EXOSC7: variants seen among roughly 807,000 people sequenced by gnomAD.
The protein encoded by EXOSC7 is exosome complex component RRP42.
A neutral mutation model predicts 34.3 loss-of-function variants in EXOSC7; 25 were observed. The ratio of observed to expected loss-of-function variants is 0.73; its 90% CI spans 0.53 to 1.02. The LOEUF is 1.02. Among genes scored for constraint, EXOSC7 ranks in the 50% least tolerant of loss-of-function variants. The probability of loss-of-function intolerance (pLI) is 0.00; values close to 1 mark genes in which losing one functional copy is unlikely to be tolerated. For missense variants in EXOSC7, 370 were observed against 368.5 expected (o/e 1.00, Z -0.03); for synonymous variants, 130 against 143.0 (o/e 0.91, Z 0.65).
chr3:45,007,148 C>G (rs1038828966), intron 6 of EXOSC7, among the ~76,000 whole-genome samples: 4 of 152,128 alleles, frequency 2.6e-5, no homozygotes, highest in Admixed American at 6.5e-5. Context: ...GCCTTGGTGG[C>G]CTTTGTCTTG....
chr3:44,982,620 GCATGGAAGA>G (rs1706301261), intron 1 of EXOSC7, among the ~76,000 whole-genome samples: 1 of 152,238 alleles, frequency 6.6e-6, no homozygotes, highest in Non-Finnish European at 1.5e-5. Context: ...TAGGGGTATA[GCATGGAAGA>G]GGGAGATCAG....
intron 7 of EXOSC7, among the ~76,000 whole-genome samples, chr3:45,010,067 G>GT (rs1467672587): frequency 6.6e-6 from 1 of 152,158 alleles, no homozygotes; most frequent in Non-Finnish European, 1.5e-5. Flanking sequence ...AGGCATGGAT[G>GT]TTTTTATCTC....
chr3:45,007,679 A>G, intron 7 of EXOSC7, 104 bp downstream of exon 7: 1 of 1,281,596 alleles, frequency 7.8e-7, no homozygotes, highest in East Asian at 2.7e-5. Context: ...CACAGCCTTG[A>G]CCCCAAACTT....
chr3:45,008,471 T>C (rs940978250), intron 7 of EXOSC7, among the ~76,000 whole-genome samples: 1 of 152,240 alleles, frequency 6.6e-6, no homozygotes, highest in African/African-American at 2.4e-5. Context: ...AAATGAGCAC[T>C]GTATATAGCA....
At chr3:44,989,072 T>C (rs62242658) in intron 1 of EXOSC7, 68 bp from the exon 2 acceptor site, 96,375 of 1,039,118 alleles carry the variant, frequency 0.093, 4,880 homozygotes, top group Middle Eastern at 0.16. Context: ...AGGGGGAAAA[T>C]GGGTGAGTCC....
chr3:44,984,755 T>C (rs906223906), intron 1 of EXOSC7, among the ~76,000 whole-genome samples: 1 of 152,262 alleles, frequency 6.6e-6, no homozygotes, highest in African/African-American at 2.4e-5. Flanking sequence ...AAAGATTAAA[T>C]GCATTAACTG....
In EXOSC7 at chr3:44,995,037, T is replaced by A. The variant is rs182600417; in HGVS notation, c.255-2050T>A. On this transcript the variant is annotated intron_variant, in intron 3 of 7. Transcript: ENST00000265564. The stretch of plus-strand genomic sequence containing the variant: ...TTCACTCTTGTTGACCAGGCTGGAG[T>A]GCAGTGGTGCGATCTCAGCTCACTG... Among the ~76,000 whole-genome samples, 371 of 152,138 alleles carry A rather than the reference T, an allele frequency of 2.4e-3. 1 individual carries two copies. Among genetic ancestry groups the A allele is most frequent in the African/African-American group, 7.1e-3 (295 of 41,468 alleles).
intron 1 of EXOSC7, among the ~76,000 whole-genome samples, chr3:44,988,564 A>G (rs1706482843): frequency 6.6e-6 from 1 of 152,200 alleles, no homozygotes; most frequent in South Asian, 2.1e-4. Context: ...CATTACCTAA[A>G]CAAGTGGGCA....
intron 1 of EXOSC7, among the ~76,000 whole-genome samples, chr3:44,976,586 C>T (rs1706038799): frequency 6.6e-6 from 1 of 152,312 alleles, no homozygotes; most frequent in Non-Finnish European, 1.5e-5. Flanking sequence ...TGGGCAGTCT[C>T]GGAGGCCTTT....
intron 5 of EXOSC7, chr3:45,002,359 A>T (rs1168359834): frequency 3.3e-5 from 5 of 152,178 alleles, no homozygotes; most frequent in African/African-American, 1.2e-4. Flanking sequence ...ACCTAAGGAC[A>T]TAATTGAATA....
rs1706221612 is a variant in EXOSC7 at position 44,979,597 on chromosome 3, T to TCC, written c.57+3263_57+3264insCC. 2.5e-5 allele frequency among the ~76,000 whole-genome samples: 3 copies of TCC among 118,806 alleles called. 1 individual carries two copies. Among genetic ancestry groups the TCC allele is most frequent in the South Asian group, 7.8e-4 (2 of 2,562 alleles). 77.9% of individuals were successfully genotyped at this position (118,806 alleles called of 152,430 possible). On this transcript the variant is annotated intron_variant, in intron 1 of 7. Transcript: ENST00000265564. ...ATCCTAATCTCTGCTGGTTTTTTTT[T>TCC]TCCCCCTCTTTGCTTTGTTTTTGTC...
chr3:45,011,546 C>T (rs1697288963), downstream of EXOSC7: 1 of 402,252 alleles, frequency 2.5e-6, no homozygotes, highest in Admixed American at 4.4e-5. Flanking sequence ...TGGCCCTTAT[C>T]TAGTGAGTGG....
intron 7 of EXOSC7, among the ~76,000 whole-genome samples, chr3:45,010,490 C>G (rs541092324): frequency 3.3e-5 from 5 of 152,288 alleles, no homozygotes; most frequent in Admixed American, 2.6e-4. Context: ...CAAGCAAAAT[C>G]CTCTTGCCTT....
At chr3:45,005,175 G>A (rs978753139) in intron 5 of EXOSC7, 116 bp from the exon 6 acceptor site, 14 of 1,176,362 alleles carry the variant, frequency 1.2e-5, no homozygotes, top group African/African-American at 4.5e-5. Context: ...ATAAAGAATA[G>A]GCATAGCGTG....
intron 1 of EXOSC7, among the ~76,000 whole-genome samples, chr3:44,980,188 A>T (rs1706237783): frequency 6.6e-6 from 1 of 152,178 alleles, no homozygotes; most frequent in East Asian, 1.9e-4. Flanking sequence ...GGTATCTTCC[A>T]CTGGACAAAC....
intron 5 of EXOSC7, among the ~76,000 whole-genome samples, chr3:45,003,359 G>T (rs1706939761): frequency 2.1e-5 from 3 of 145,402 alleles, no homozygotes; most frequent in African/African-American, 8.3e-5. Flanking sequence ...GCGTGTGTGT[G>T]TGTATGTGTG....
At chr3:45,008,647 G>A (rs1354759692) in intron 7 of EXOSC7, among the ~76,000 whole-genome samples, 1 of 152,328 alleles carries the variant, frequency 6.6e-6, no homozygotes, top group East Asian at 1.9e-4. Context: ...AGAAGCACAT[G>A]TCACAGTGCC....
At chr3:44,993,930 A>G (rs1024998189) in intron 3 of EXOSC7, among the ~76,000 whole-genome samples, 1 of 152,206 alleles carries the variant, frequency 6.6e-6, no homozygotes, top group African/African-American at 2.4e-5. Flanking sequence ...CAAAGCATAC[A>G]TTCATTTCCC....
At chr3:44,979,865 A>G (rs951958806) in intron 1 of EXOSC7, among the ~76,000 whole-genome samples, 2 of 152,158 alleles carry the variant, frequency 1.3e-5, no homozygotes, top group Non-Finnish European at 2.9e-5. Flanking sequence ...GGGAGGGTGG[A>G]TCATTTTAGT....
Sources: gnomAD v4.1 joint callset for allele counts (sites outside exome capture counted in the v4.1 genomes callset) on GRCh38, gnomAD v4.1.1 for gene constraint, MANE v1.5 for transcripts, NCBI Gene and HGNC (gene_info 2026-07-23, HGNC 2026-07-21) for gene names.